LRRTM4: variants seen among roughly 807,000 people sequenced by gnomAD.
LRRTM4 encodes the protein leucine rich repeat transmembrane neuronal 4, also known as leucine-rich repeat transmembrane neuronal protein 4.
LRRTM4 carries 25 observed loss-of-function variants against 47.6 expected under a neutral mutation model. The ratio of observed to expected loss-of-function variants is 0.53; its 90% CI spans 0.38 to 0.73. The LOEUF (loss-of-function observed/expected upper bound fraction) is 0.73, where lower values mean the gene tolerates loss of function less well. Ranked by LOEUF, LRRTM4 falls within the 30% of genes least tolerant of loss-of-function variation. The pLI is 0.00. For synonymous variants in LRRTM4, 311 were observed against 269.5 expected, an observed-to-expected ratio of 1.15 and a Z score of -1.51; for missense variants, 638 against 713.4, an observed-to-expected ratio of 0.89 and a Z score of 1.20.
chr2:77,228,036 A>C (rs1674862058), intron 3 of LRRTM4, among the ~76,000 whole-genome samples: 1 of 152,054 alleles, frequency 6.6e-6, no homozygotes, highest in African/African-American at 2.4e-5. Flanking sequence ...AGATATTATT[A>C]AAGCTAATGT....
intron 3 of LRRTM4, among the ~76,000 whole-genome samples, chr2:76,952,814 T>G (rs1054566298): frequency 1.3e-5 from 2 of 151,848 alleles, no homozygotes; most frequent in Non-Finnish European, 1.5e-5. Flanking sequence ...TGTGGGGGAC[T>G]GGGTGTGGTA....
In LRRTM4 at chr2:77,212,511, G is replaced by A. The variant is rs568814806; in HGVS notation, c.1551+305807C>T. 2.2e-4 allele frequency among the ~76,000 whole-genome samples: 32 copies of A among 147,724 alleles called. 1 individual carries two copies. In the South Asian group the frequency reaches 3.8e-3, roughly 18 times the overall value. On this transcript the variant is annotated intron_variant, in intron 3 of 3. Transcript: ENST00000409884. ...GAGAGAGAGCGAGAGAGTTAATCTC[G>A]TGTATATATATATGTATATATCATG...
At chr2:77,395,267 T>C (rs1673658665) in intron 3 of LRRTM4, among the ~76,000 whole-genome samples, 2 of 151,956 alleles carry the variant, frequency 1.3e-5, no homozygotes, top group African/African-American at 2.4e-5. Context: ...GGGTTTTCTG[T>C]GGTCTCCTTA....
At chr2:77,255,562 C>T (rs1184618743) in intron 3 of LRRTM4, among the ~76,000 whole-genome samples, 1 of 152,006 alleles carries the variant, frequency 6.6e-6, no homozygotes, top group Non-Finnish European at 1.5e-5. Flanking sequence ...TGAAATTTTA[C>T]AGAGCATACA....
At chr2:77,445,946 A>G (rs576954816) in intron 3 of LRRTM4, among the ~76,000 whole-genome samples, 1 of 152,050 alleles carries the variant, frequency 6.6e-6, no homozygotes, top group Non-Finnish European at 1.5e-5. Context: ...ATAGTTATTG[A>G]TATTATTAGT....
At chr2:76,797,269 A>C (rs10221733) in intron 3 of LRRTM4, among the ~76,000 whole-genome samples, 12,407 of 152,066 alleles carry the variant, frequency 0.082, 557 homozygotes, top group Middle Eastern at 0.15. Context: ...CGGATCTCTC[A>C]GCAGAAACCC....
intron 3 of LRRTM4, among the ~76,000 whole-genome samples, chr2:77,197,611 G>C (rs1673865334): frequency 1.3e-5 from 2 of 152,166 alleles, no homozygotes; most frequent in African/African-American, 2.4e-5. Flanking sequence ...ATTCTGTAAA[G>C]TTTTGTATTA....
chr2:76,958,474 G>C (rs1157010783), intron 3 of LRRTM4, among the ~76,000 whole-genome samples: 1 of 151,708 alleles, frequency 6.6e-6, no homozygotes, highest in Non-Finnish European at 1.5e-5. Flanking sequence ...GTTCCAGATA[G>C]AACCCTTTTA....
At chr2:77,072,885 T>C (rs1680208470) in intron 3 of LRRTM4, among the ~76,000 whole-genome samples, 1 of 151,216 alleles carries the variant, frequency 6.6e-6, no homozygotes, top group African/African-American at 2.4e-5. Context: ...GCTACTTGCG[T>C]CTGTCAGATT....
intron 3 of LRRTM4, among the ~76,000 whole-genome samples, chr2:77,451,200 T>G (rs1422241601): frequency 6.6e-6 from 1 of 152,168 alleles, no homozygotes; most frequent in Non-Finnish European, 1.5e-5. Context: ...GCTAATAAAT[T>G]TATTGAGTTT....
At chr2:77,062,177 A>G (rs569252666) in intron 3 of LRRTM4, among the ~76,000 whole-genome samples, 55 of 152,248 alleles carry the variant, frequency 3.6e-4, no homozygotes, top group African/African-American at 1.3e-3. Flanking sequence ...CTTTCTGCAT[A>G]TTTACATTAT....
At chr2:77,039,076 G>T (rs1316104814) in intron 3 of LRRTM4, among the ~76,000 whole-genome samples, 2 of 151,196 alleles carry the variant, frequency 1.3e-5, no homozygotes, top group Non-Finnish European at 3.0e-5. Flanking sequence ...AAAATGAGTG[G>T]AATTAATTTA....
intron 3 of LRRTM4, among the ~76,000 whole-genome samples, chr2:77,341,257 T>C (rs1671362464): frequency 6.6e-6 from 1 of 151,970 alleles, no homozygotes; most frequent in African/African-American, 2.4e-5. Context: ...TCAAAATCTA[T>C]GATCAAATTT....
chr2:77,196,876 AT>A (rs1186714557), intron 3 of LRRTM4, among the ~76,000 whole-genome samples: 1 of 152,212 alleles, frequency 6.6e-6, no homozygotes, highest in African/African-American at 2.4e-5. Flanking sequence ...ATTTGTTGAA[AT>A]GTCAGGATGG....
intron 3 of LRRTM4, among the ~76,000 whole-genome samples, chr2:76,948,790 A>G (rs1675406573): frequency 6.6e-6 from 1 of 151,872 alleles, no homozygotes; most frequent in Non-Finnish European, 1.5e-5. Flanking sequence ...ACATTTAAAC[A>G]TTGAACTGCA....
chr2:77,495,116 A>G (rs1678310555), intron 3 of LRRTM4, among the ~76,000 whole-genome samples: 1 of 152,064 alleles, frequency 6.6e-6, no homozygotes, highest in Non-Finnish European at 1.5e-5. Flanking sequence ...TCTTTCATGC[A>G]CAAGTCTTTG....
At chr2:77,255,693 G>A (rs79418991) in intron 3 of LRRTM4, among the ~76,000 whole-genome samples, 5,087 of 151,888 alleles carry the variant, frequency 0.033, 147 homozygotes, top group African/African-American at 0.075. Flanking sequence ...AATATCCCAA[G>A]GGAAATAGAA....
intron 3 of LRRTM4, among the ~76,000 whole-genome samples, chr2:77,009,965 A>G (rs1318670903): frequency 6.8e-6 from 1 of 147,174 alleles, no homozygotes; most frequent in Non-Finnish European, 1.5e-5. Context: ...TCAGGGCAGG[A>G]CCCTTTTTTT....
intron 3 of LRRTM4, among the ~76,000 whole-genome samples, chr2:76,807,337 TTG>T (rs202201400): frequency 0.012 from 1,851 of 148,840 alleles, 50 homozygotes; most frequent in African/African-American, 0.043. Context: ...AAACAGATAG[TTG>T]TAAGTAAATA....
Sources: gnomAD v4.1 joint callset for allele counts (sites outside exome capture counted in the v4.1 genomes callset) on GRCh38, gnomAD v4.1.1 for gene constraint, MANE v1.5 for transcripts, NCBI Gene and HGNC (gene_info 2026-07-23, HGNC 2026-07-21) for gene names.